Variants in SETD5 observed in about 807,000 individuals in gnomAD.
The protein encoded by SETD5 is histone-lysine N-methyltransferase SETD5.
Under a neutral mutation model 153.3 loss-of-function variants are expected in SETD5, and 44 were observed. The observed-to-expected ratio is 0.29, with a 90% CI of 0.23 to 0.37. The LOEUF (loss-of-function observed/expected upper bound fraction) is 0.37, where lower values mean the gene tolerates loss of function less well. Among genes scored for constraint, SETD5 ranks in the 10% least tolerant of loss-of-function variants. The probability of loss-of-function intolerance (pLI) is 1.00; values close to 1 mark genes in which losing one functional copy is unlikely to be tolerated. For missense variants in SETD5, 1,544 were observed against 1,768.0 expected (o/e 0.87, Z 2.27); for synonymous variants, 716 against 645.2 (o/e 1.11, Z -1.66).
intron 18 of SETD5, among the ~76,000 whole-genome samples, chr3:9,466,058 G>C (rs1254685201): frequency 6.6e-6 from 1 of 152,094 alleles, no homozygotes; most frequent in African/African-American, 2.4e-5. Context: ...GGAGGCTGAG[G>C]CAGGCGGATC....
chr3:9,427,197 TTA>T (rs1157779303), intron 2 of SETD5, among the ~76,000 whole-genome samples: 1 of 152,220 alleles, frequency 6.6e-6, no homozygotes, highest in Non-Finnish European at 1.5e-5. Context: ...ACAATTTTTT[TTA>T]TTTGCATTAA....
intron 6 of SETD5, 127 bp from the exon 7 acceptor site, chr3:9,435,601 A>G: frequency 5.0e-6 from 4 of 800,226 alleles, no homozygotes; most frequent in Non-Finnish European, 7.4e-6. Context: ...ACGTTGCTTT[A>G]CAGATGATAA....
chr3:9,407,914 C>G lies in SETD5; in HGVS notation c.-177+9937C>G, dbSNP rs537671564. On this transcript the variant is annotated intron_variant, in intron 1 of 22. Coordinates refer to ENST00000402198, the MANE Select transcript of SETD5 (RefSeq NM_001080517.3). ...ACTCGGGAGGCTGAGGCAGGAGAAT[C>G]GCTCGAACCCAGGTGGCAGAAATTG... 2.0e-4 allele frequency among the ~76,000 whole-genome samples: 30 copies of G among 152,094 alleles called. No homozygotes were observed. The South Asian group carries it at 6.0e-3, about 30-fold the overall frequency.
chr3:9,438,113 A>C (rs1189657578), intron 7 of SETD5, among the ~76,000 whole-genome samples: 1 of 152,196 alleles, frequency 6.6e-6, no homozygotes, highest in East Asian at 1.9e-4. Flanking sequence ...CTAAAGTTTG[A>C]AGGCCCCACT....
At chr3:9,445,428 T>G (rs1423943716) in intron 12 of SETD5, 128 bp downstream of exon 12, 4 of 1,081,912 alleles carry the variant, frequency 3.7e-6, no homozygotes, top group Non-Finnish European at 5.4e-6. Context: ...CAATGTGGGT[T>G]TATTGTGTTC....
intron 10 of SETD5, 90 bp from the exon 11 acceptor site, chr3:9,443,218 C>T (rs1009355613): frequency 2.2e-6 from 2 of 915,548 alleles, no homozygotes; most frequent in African/African-American, 3.3e-5. Context: ...ATTACCATAA[C>T]TCCAAATGGA....
In SETD5 at chr3:9,465,736, ACCT is replaced by A. The variant is rs2044477945; in HGVS notation, c.2724+1068_2724+1070del. On this transcript the variant is annotated intron_variant, in intron 18 of 22. Coordinates refer to ENST00000402198, the MANE Select transcript of SETD5 (RefSeq NM_001080517.3). Reference sequence around the variant, plus strand: ...GACCTCTTTCTGGGTGAGGGAAAAAACCTCCTGGTTACATATCAGTTATCTAGG... The same window carrying A: ...GACCTCTTTCTGGGTGAGGGAAAAAACCTGGTTACATATCAGTTATCTAGG... Among the ~76,000 whole-genome samples the A allele has an allele frequency of 7.3e-5, 11 of 151,656 alleles. No homozygotes were observed. In the South Asian group the frequency reaches 1.7e-3, roughly 23 times the overall value.
rs1575490355 is a variant in SETD5 at position 9,450,981 on chromosome 3, T to C, written c.2346+2351T>C. On this transcript the variant is annotated intron_variant, in intron 16 of 22. Transcript: ENST00000402198. Reference sequence around the variant, plus strand: ...CTAGAGTTTCTAAATTGAATCATAGTTTTTAAGAAGCATTTTGCATTTTTT... The same window carrying C: ...CTAGAGTTTCTAAATTGAATCATAGCTTTTAAGAAGCATTTTGCATTTTTT... Among the ~76,000 whole-genome samples, 4 of 152,300 alleles carry C rather than the reference T, an allele frequency of 2.6e-5. 1 individual carries two copies. Among genetic ancestry groups the C allele is most frequent in the Admixed American group, 2.6e-4 (4 of 15,284 alleles).
At chr3:9,401,676 C>T (rs553733988) in intron 1 of SETD5, among the ~76,000 whole-genome samples, 1 of 152,248 alleles carries the variant, frequency 6.6e-6, no homozygotes, top group South Asian at 2.1e-4. Flanking sequence ...TAACAGCAGT[C>T]AATGACTATT....
At chr3:9,444,907 ACT>A (rs2041755067) in intron 11 of SETD5, 139 bp from the exon 12 acceptor site, 2 of 1,110,996 alleles carry the variant, frequency 1.8e-6, no homozygotes, top group South Asian at 3.1e-5. Context: ...TATTTATAGG[ACT>A]CTCTAATGTC....
intron 2 of SETD5, among the ~76,000 whole-genome samples, chr3:9,426,343 T>C (rs543760834): frequency 6.9e-6 from 1 of 144,250 alleles, no homozygotes; most frequent in African/African-American, 2.5e-5. Context: ...CAAGCAATCC[T>C]CCCACCTCAG....
Position 9,434,986 on chromosome 3 carries a change from T to C in SETD5, c.388+104T>C. On this transcript the variant is annotated intron_variant, in intron 6 of 22. Coordinates refer to ENST00000402198, the MANE Select transcript of SETD5 (RefSeq NM_001080517.3). The surrounding 1 kb of genome is among the most constrained non-coding windows in gnomAD (Gnocchi z 5.6). ...TTGGCCAGGCGCAGTGGCTTACGCC[T>C]GTAATCTCACCACTTAGGGAGGCCA... 1 of 1,354,094 alleles carries C rather than the reference T, an allele frequency of 7.4e-7. No individual in the cohort carries two copies. Among genetic ancestry groups the C allele is most frequent in the Admixed American group, 2.3e-5 (1 of 42,768 alleles). 83.9% of individuals were successfully genotyped at this position (1,354,094 alleles called of 1,614,324 possible).
At chr3:9,416,852 GC>G (rs1349531335) in intron 1 of SETD5, among the ~76,000 whole-genome samples, 1 of 152,064 alleles carries the variant, frequency 6.6e-6, no homozygotes, top group Non-Finnish European at 1.5e-5. Context: ...AATAAGATTG[GC>G]CATGAATTGA....
At chr3:9,452,668 T>C (rs2042763141) in intron 16 of SETD5, among the ~76,000 whole-genome samples, 1 of 149,314 alleles carries the variant, frequency 6.7e-6, no homozygotes, top group Admixed American at 6.6e-5. Context: ...GATTTTTTTT[T>C]TTTTTTTTTT....
chr3:9,470,802 A>G lies in SETD5; in HGVS notation c.3068A>G (p.Glu1023Gly), dbSNP rs1231153405. 1.2e-6 allele frequency: 2 copies of G among 1,613,708 alleles called. No individual in the cohort carries two copies. The highest frequency in any genetic ancestry group is 2.2e-5 in the South Asian group (2 of 91,048). The change falls in exon 19 of 23, where the codon GAA becomes GGA. Residue 1023 changes from glutamate to glycine, a missense_variant. Around this residue, in one of 9 missense-constraint regions of SETD5, gnomAD observed 782 missense variants for 787.2 expected, o/e 0.99. Transcript: ENST00000402198. The part of the protein sequence containing the change: ...HLDGGYCSPA[E>G]GFSSRYEHGL... The stretch of plus-strand genomic sequence containing the variant: ...GATGGGGGATATTGTTCCCCTGCAG[A>G]AGGATTTTCCAGCAGATATGAACAT...
chr3:9,473,614 C>T, intron 20 of SETD5, 77 bp downstream of exon 20: 3 of 1,421,338 alleles, frequency 2.1e-6, no homozygotes, highest in South Asian at 1.4e-5. Flanking sequence ...CCCAGTTTTA[C>T]CTAAAATCTA....
At chr3:9,420,422 G>A (rs915859188) in intron 1 of SETD5, among the ~76,000 whole-genome samples, 1 of 151,840 alleles carries the variant, frequency 6.6e-6, no homozygotes, top group Admixed American at 6.6e-5. Context: ...TCTTTTAATG[G>A]CCTTTTATTC....
At chr3:9,405,439 T>C (rs1343481147) in intron 1 of SETD5, among the ~76,000 whole-genome samples, 1 of 152,260 alleles carries the variant, frequency 6.6e-6, no homozygotes, top group Admixed American at 6.5e-5. Context: ...AAATTTTTCA[T>C]GTCTTAGAGT....
At chr3:9,419,719 T>C (rs1187247914) in intron 1 of SETD5, among the ~76,000 whole-genome samples, 1 of 152,224 alleles carries the variant, frequency 6.6e-6, no homozygotes. Flanking sequence ...GTTAATCTTT[T>C]TGTAGCTCTA....
Sources: gnomAD v4.1 joint callset for allele counts (sites outside exome capture counted in the v4.1 genomes callset) on GRCh38, gnomAD v4.1.1 for gene constraint, gnomAD v4.1.1 regional missense constraint, Gnocchi (gnomAD v3.1) non-coding constraint, MANE v1.5 for transcripts, NCBI Gene and HGNC (gene_info 2026-07-23, HGNC 2026-07-21) for gene names.